Variants in UNC13C observed in about 807,000 individuals in gnomAD.
UNC13C encodes the protein unc-13 homolog C.
UNC13C carries 174 observed loss-of-function variants against 245.4 expected under a neutral mutation model. That is an observed-to-expected ratio of 0.71 (90% CI 0.63 to 0.80). The LOEUF (loss-of-function observed/expected upper bound fraction) is 0.80. Among genes scored for constraint, UNC13C ranks in the 30% least tolerant of loss-of-function variants. The pLI, the probability that UNC13C is intolerant of heterozygous loss-of-function variation, is 0.00. For missense variants in UNC13C, 2,829 were observed against 2,602.9 expected, an observed-to-expected ratio of 1.09 and a Z score of -1.89; for synonymous variants, 992 against 895.1, an observed-to-expected ratio of 1.11 and a Z score of -1.93.
chr15:54,014,977 A>G lies in UNC13C; in HGVS notation c.2074A>G (p.Asn692Asp). The change falls in exon 2 of 33, where the codon AAT becomes GAT. Residue 692 changes from asparagine to aspartate, a missense_variant. Asn to Asp is a conservative substitution (Grantham distance 23). Coordinates refer to ENST00000260323, the MANE Select transcript of UNC13C (RefSeq NM_001080534.3). ...SLFDQQLDVY[N>D]KDLEYLGKCH... is the part of the protein sequence containing the mutation. ...TTTTGACCAACAGCTTGATGTTTAC[A>G]ATAAAGACCTAGAATACTTGGGAAA... 6.2e-7 allele frequency: 1 copy of G among 1,613,820 alleles called. No individual in the cohort carries two copies. Among genetic ancestry groups the G allele is most frequent in the Non-Finnish European group, 8.5e-7 (1 of 1,179,842 alleles).
intron 4 of UNC13C, among the ~76,000 whole-genome samples, chr15:54,213,043 C>A (rs182331683): frequency 6.6e-6 from 1 of 152,066 alleles, no homozygotes; most frequent in African/African-American, 2.4e-5. Context: ...AGAATAATAA[C>A]CTTTGCTTCA....
intron 30 of UNC13C, among the ~76,000 whole-genome samples, chr15:54,582,914 G>A (rs938417959): frequency 1.3e-5 from 2 of 152,104 alleles, no homozygotes; most frequent in Non-Finnish European, 2.9e-5. Flanking sequence ...TAAGTAATGT[G>A]CTACTGAAAC....
At chr15:54,081,198 T>C (rs1898919179) in intron 2 of UNC13C, among the ~76,000 whole-genome samples, 1 of 152,076 alleles carries the variant, frequency 6.6e-6, no homozygotes, top group Non-Finnish European at 1.5e-5. Flanking sequence ...TTTTAGAACT[T>C]AGTGAGATTT....
At chr15:54,207,630 G>A (rs567822835) in intron 4 of UNC13C, among the ~76,000 whole-genome samples, 5 of 152,152 alleles carry the variant, frequency 3.3e-5, no homozygotes, top group Non-Finnish European at 7.4e-5. Context: ...ATATAATGGG[G>A]ATAATTTGGA....
the UNC13C span, among the ~76,000 whole-genome samples, chr15:53,857,861 G>T: frequency 6.6e-6 from 1 of 152,174 alleles, no homozygotes; most frequent in Admixed American, 6.5e-5. Context: ...AAGTACAATG[G>T]TGAGCTGATG....
At chr15:54,381,111 T>C (rs1479740153) in intron 17 of UNC13C, among the ~76,000 whole-genome samples, 1 of 152,172 alleles carries the variant, frequency 6.6e-6, no homozygotes, top group Non-Finnish European at 1.5e-5. Flanking sequence ...TTGAAGTCTT[T>C]AAAGATTTTG....
chr15:54,133,656 G>C (rs540069218), intron 2 of UNC13C, among the ~76,000 whole-genome samples: 2 of 152,224 alleles, frequency 1.3e-5, no homozygotes, highest in East Asian at 3.9e-4. Context: ...GGAGTACCCA[G>C]CATGTAATTA....
intron 1 of UNC13C, among the ~76,000 whole-genome samples, chr15:53,998,194 C>A (rs890058510): frequency 6.6e-6 from 1 of 152,086 alleles, no homozygotes; most frequent in Non-Finnish European, 1.5e-5. Context: ...ATTCTCAAAA[C>A]CAAATATACT....
At chr15:54,006,915 G>T (rs1420117400) in intron 1 of UNC13C, among the ~76,000 whole-genome samples, 3 of 152,118 alleles carry the variant, frequency 2.0e-5, no homozygotes, top group Non-Finnish European at 4.4e-5. Flanking sequence ...TTGCACAGGG[G>T]CCCTCTTGCT....
At chr15:54,328,673 C>T (rs2038360201) in intron 14 of UNC13C, among the ~76,000 whole-genome samples, 1 of 152,002 alleles carries the variant, frequency 6.6e-6, no homozygotes, top group African/African-American at 2.4e-5. Flanking sequence ...CAGGGTTCCC[C>T]AAATCCTGGG....
chr15:54,128,256 C>T (rs758981103), intron 2 of UNC13C, among the ~76,000 whole-genome samples: 1 of 152,080 alleles, frequency 6.6e-6, no homozygotes, highest in East Asian at 1.9e-4. Context: ...CTGAATAAAT[C>T]GGAGACAACA....
rs1566952337 is a variant in UNC13C at position 54,015,714 on chromosome 15, C to T, written c.2811C>T (p.Pro937=). 12 of 1,613,590 alleles carry T rather than the reference C, an allele frequency of 7.4e-6. No individual in the cohort carries two copies. Among genetic ancestry groups the T allele is most frequent in the Admixed American group, 5.0e-5 (3 of 59,920 alleles). The change falls in exon 2 of 33, where the codon CCC becomes CCT. Residue 937 remains proline, a synonymous_variant. Transcript: ENST00000260323. ...TGGTTAGTGAAGAGGGGTTAGAACC[C>T]TTAAATGAAACATCAGCTGAGATGG... ...DDMVSEEGLE[P]LNETSAEMEI...
At chr15:54,180,851 CTTG>C (rs2033774961) in intron 4 of UNC13C, among the ~76,000 whole-genome samples, 1 of 151,646 alleles carries the variant, frequency 6.6e-6, no homozygotes, top group Admixed American at 6.6e-5. Context: ...CATTTTTTTG[CTTG>C]TTGATTTGTT....
intron 19 of UNC13C, among the ~76,000 whole-genome samples, chr15:54,491,678 G>T (rs1893709569): frequency 6.6e-6 from 1 of 152,034 alleles, no homozygotes; most frequent in Non-Finnish European, 1.5e-5. Context: ...CATGATATCT[G>T]CTTGCTTTCA....
intron 4 of UNC13C, among the ~76,000 whole-genome samples, chr15:54,160,113 G>A (rs1338035082): frequency 6.6e-6 from 1 of 151,788 alleles, no homozygotes; most frequent in Non-Finnish European, 1.5e-5. Flanking sequence ...GAATACTATT[G>A]ACAAAAAAGG....
intron 2 of UNC13C, among the ~76,000 whole-genome samples, chr15:54,088,505 G>A (rs1899377562): frequency 6.6e-6 from 1 of 152,128 alleles, no homozygotes; most frequent in African/African-American, 2.4e-5. Flanking sequence ...CTGATCCATA[G>A]GACATTTCAT....
chr15:54,598,994 A>C (rs546163652), intron 30 of UNC13C, among the ~76,000 whole-genome samples: 8 of 152,178 alleles, frequency 5.3e-5, no homozygotes, highest in Non-Finnish European at 1.0e-4. Context: ...TAATATAATA[A>C]AAAGCTATTC....
chr15:54,567,778 G>C (rs373595743), intron 29 of UNC13C, 22 bp from the exon 30 acceptor site: 2 of 1,564,914 alleles, frequency 1.3e-6, no homozygotes, highest in African/African-American at 2.7e-5. Flanking sequence ...AAATGCCTCG[G>C]CTTATTTTTT....
At chr15:53,944,583 CATG>C in the UNC13C span, among the ~76,000 whole-genome samples, 4 of 152,180 alleles carry the variant, frequency 2.6e-5, no homozygotes, top group South Asian at 4.1e-4. Context: ...TTGCAAAGGA[CATG>C]ATATCATTCT....
Sources: allele counts gnomAD v4.1 joint callset (sites outside exome capture counted in the v4.1 genomes callset), GRCh38; gene constraint gnomAD v4.1.1; transcripts MANE v1.5; gene names NCBI Gene and HGNC (gene_info 2026-07-23, HGNC 2026-07-21).